The following SMG6 variants were observed in gnomAD, a reference collection of about 807,000 sequenced individuals.
SMG6 encodes SMG6 nonsense mediated mRNA decay factor, also known as telomerase-binding protein EST1A.
SMG6 carries 66 observed loss-of-function variants against 142.2 expected under a neutral mutation model. The observed-to-expected ratio is 0.46, with a 90% confidence interval of 0.38 to 0.57. The LOEUF (loss-of-function observed/expected upper bound fraction) is 0.57. Ranked by LOEUF, SMG6 falls within the 20% of genes least tolerant of loss-of-function variation. The pLI is 0.00. For synonymous variants in SMG6, 779 were observed against 702.4 expected (o/e 1.11, Z -1.72); for missense variants, 1,793 against 1,832.0 (o/e 0.98, Z 0.39).
Position 2,297,947 on chromosome 17 carries a change from A to G in SMG6, c.1956T>C (p.Ile652=), listed in dbSNP as rs1376505719. The change falls in exon 3 of 19, where the codon ATT becomes ATC. Residue 652 remains isoleucine, a synonymous_variant. Transcript: ENST00000263073. The part of the protein sequence containing the change: ...ILWKNAFYQV[I]EKFRQLVKDP... Reference sequence around the variant, plus strand: ...CCTTGACAAGTTGCCTGAACTTCTCAATCACCTGATAGAAAGCATTCTTCC... The same window carrying G: ...CCTTGACAAGTTGCCTGAACTTCTCGATCACCTGATAGAAAGCATTCTTCC... The G allele has an allele frequency of 6.2e-7, 1 of 1,613,382 alleles. No homozygotes were observed. Among genetic ancestry groups the G allele is most frequent in the East Asian group, 2.2e-5 (1 of 44,890 alleles).
At chr17:2,140,472 C>T (rs1173957886) in intron 13 of SMG6, among the ~76,000 whole-genome samples, 1 of 152,126 alleles carries the variant, frequency 6.6e-6, no homozygotes, top group African/African-American at 2.4e-5. Context: ...GAGATCAAGA[C>T]CATCCTGGCT....
chr17:2,119,755 G>A (rs575133834), intron 13 of SMG6, among the ~76,000 whole-genome samples: 27 of 152,198 alleles, frequency 1.8e-4, no homozygotes, highest in African/African-American at 5.1e-4. Context: ...TCCGCCTCCC[G>A]GGTTCATGCC....
chr17:2,158,473 T>C (rs961641162), intron 13 of SMG6, among the ~76,000 whole-genome samples: 4 of 152,210 alleles, frequency 2.6e-5, no homozygotes, highest in Non-Finnish European at 5.9e-5. Flanking sequence ...CTTAGGCAGC[T>C]AAAGATTCAT....
At chr17:2,104,548 GA>G (rs772082851) in intron 13 of SMG6, among the ~76,000 whole-genome samples, 76 of 143,876 alleles carry the variant, frequency 5.3e-4, no homozygotes, top group East Asian at 2.8e-3. Flanking sequence ...TAAGGGGGTT[GA>G]AAAAAAAAAA....
chr17:2,070,897 A>G (rs946123156), intron 15 of SMG6, among the ~76,000 whole-genome samples: 1 of 152,162 alleles, frequency 6.6e-6, no homozygotes, highest in African/African-American at 2.4e-5. Context: ...GTTTGTAAGA[A>G]CAGGAAATGG....
At chr17:2,135,621 AC>A (rs2151558621) in intron 13 of SMG6, among the ~76,000 whole-genome samples, 1 of 152,356 alleles carries the variant, frequency 6.6e-6, no homozygotes, top group South Asian at 2.1e-4. Flanking sequence ...GTGGTTACTG[AC>A]CACTAGAAAT....
intron 15 of SMG6, among the ~76,000 whole-genome samples, chr17:2,079,496 C>T (rs12952051): frequency 0.35 from 52,602 of 151,324 alleles, 10,819 homozygotes; most frequent in Admixed American, 0.46. Context: ...ATTAGCTGGG[C>T]GTGGTGGTGC....
intron 15 of SMG6, among the ~76,000 whole-genome samples, 167 bp from the exon 16 acceptor site, chr17:2,069,098 C>T (rs1280919029): frequency 6.6e-6 from 1 of 152,126 alleles, no homozygotes; most frequent in African/African-American, 2.4e-5. Context: ...AAGGGCTGAG[C>T]ATAGCACTGC....
chr17:2,269,567 T>G (rs2074502732), intron 8 of SMG6, among the ~76,000 whole-genome samples: 2 of 152,134 alleles, frequency 1.3e-5, no homozygotes, highest in Admixed American at 1.3e-4. Context: ...GCCATGCTCC[T>G]TTGCTAACCA....
chr17:2,231,177 T>C (rs536830885), intron 10 of SMG6, among the ~76,000 whole-genome samples: 1 of 152,252 alleles, frequency 6.6e-6, no homozygotes, highest in Admixed American at 6.5e-5. Context: ...TCTGAACGTC[T>C]CTGAGATTGT....
In SMG6 at chr17:2,297,960, A is replaced by C. The variant is rs2075180655; in HGVS notation, c.1943T>G (p.Phe648Cys). ...NVDQILWKNAFYQVIEKFRQL... is the reference protein window; with the variant it reads ...NVDQILWKNACYQVIEKFRQL... ...CCTGAACTTCTCAATCACCTGATAGAAAGCATTCTTCCACAGGATCTGATC... is the reference window on the plus strand; with the variant it reads ...CCTGAACTTCTCAATCACCTGATAGCAAGCATTCTTCCACAGGATCTGATC... The change falls in exon 3 of 19, where the codon TTC becomes TGC. Residue 648 changes from phenylalanine to cysteine, a missense_variant. Around this residue, in one of 3 missense-constraint regions of SMG6, gnomAD observed 1,597 missense variants for 1,584.6 expected, o/e 1.01. Transcript: ENST00000263073. 1 of 1,613,544 alleles carries C rather than the reference A, an allele frequency of 6.2e-7. No homozygotes were observed. The highest frequency in any genetic ancestry group is 8.5e-7 in the Non-Finnish European group (1 of 1,180,026).
At chr17:2,260,061 TCA>T in intron 8 of SMG6, among the ~76,000 whole-genome samples, 1 of 152,220 alleles carries the variant, frequency 6.6e-6, no homozygotes. Context: ...TTAAAAATGG[TCA>T]TTCAGGTTTG....
chr17:2,102,503 T>C (rs1008151482), intron 13 of SMG6, among the ~76,000 whole-genome samples: 3 of 149,260 alleles, frequency 2.0e-5, no homozygotes, highest in Non-Finnish European at 3.0e-5. Context: ...ACTACAGGCG[T>C]GGACCACCAC....
chr17:2,078,809 T>C (rs1483030208), intron 15 of SMG6, among the ~76,000 whole-genome samples: 2 of 151,944 alleles, frequency 1.3e-5, no homozygotes, highest in African/African-American at 4.8e-5. Context: ...AGACAAGGGG[T>C]CATTCATCGA....
At chr17:2,205,582 T>G (rs1194018425) in intron 10 of SMG6, among the ~76,000 whole-genome samples, 1 of 152,164 alleles carries the variant, frequency 6.6e-6, no homozygotes, top group Non-Finnish European at 1.5e-5. Flanking sequence ...ACTTAAAATT[T>G]GACTTAAAAT....
chr17:2,091,824 C>T (rs1360212901), intron 13 of SMG6, among the ~76,000 whole-genome samples: 3 of 144,376 alleles, frequency 2.1e-5, no homozygotes, highest in Non-Finnish European at 3.0e-5. Context: ...GCACCCGCCA[C>T]CACGCCCAGC....
At chr17:2,284,742 C>G (rs1423636936) in intron 6 of SMG6, among the ~76,000 whole-genome samples, 1 of 152,168 alleles carries the variant, frequency 6.6e-6, no homozygotes, top group African/African-American at 2.4e-5. Flanking sequence ...TATGACACAG[C>G]ACGTTAACCT....
chr17:2,077,836 C>T (rs1407627297), intron 15 of SMG6, among the ~76,000 whole-genome samples: 1 of 152,030 alleles, frequency 6.6e-6, no homozygotes, highest in Non-Finnish European at 1.5e-5. Context: ...TCTGGCATTA[C>T]TTTCATTATA....
chr17:2,069,806 C>A (rs141005031), intron 15 of SMG6, among the ~76,000 whole-genome samples: 1 of 152,322 alleles, frequency 6.6e-6, no homozygotes, highest in South Asian at 2.1e-4. Context: ...CCTTGACCAG[C>A]GCAGTTTCCT....
Sources: allele counts gnomAD v4.1 joint callset (sites outside exome capture counted in the v4.1 genomes callset), GRCh38; gene constraint gnomAD v4.1.1; regional missense constraint gnomAD v4.1.1; transcripts MANE v1.5; gene names NCBI Gene and HGNC (gene_info 2026-07-23, HGNC 2026-07-21).